CAMKMT: variants seen among roughly 807,000 people sequenced by gnomAD.
CAMKMT encodes CaM KMT.
A neutral mutation model predicts 48.0 loss-of-function variants in CAMKMT; 53 were observed. The observed-to-expected ratio is 1.10, with a 90% CI of 0.89 to 1.39. CAMKMT has a LOEUF of 1.39. Ranked by LOEUF, CAMKMT falls within the 40% of genes most tolerant of loss-of-function variation. The pLI, the probability that CAMKMT is intolerant of heterozygous loss-of-function variation, is 0.00. For missense variants in CAMKMT, 428 were observed against 402.7 expected (o/e 1.06, Z -0.54); for synonymous variants, 165 against 152.3 (o/e 1.08, Z -0.61).
intron 3 of CAMKMT, among the ~76,000 whole-genome samples, chr2:44,549,027 T>C (rs1280528106): frequency 6.6e-6 from 1 of 152,214 alleles, no homozygotes; most frequent in Non-Finnish European, 1.5e-5. Flanking sequence ...GATAAAAAAC[T>C]AATACATCTT....
intron 3 of CAMKMT, among the ~76,000 whole-genome samples, chr2:44,557,977 T>C (rs770931787): frequency 3.9e-5 from 6 of 152,206 alleles, no homozygotes; most frequent in Non-Finnish European, 8.8e-5. Flanking sequence ...ACTTACATAA[T>C]GAGTTTCACC....
At chr2:44,614,997 C>T (rs1671806407) in intron 3 of CAMKMT, among the ~76,000 whole-genome samples, 1 of 118,754 alleles carries the variant, frequency 8.4e-6, no homozygotes, top group South Asian at 3.0e-4. Context: ...GGCTAGAGTG[C>T]AGTGGTGACA....
At chr2:44,642,632 A>T (rs766657989) in intron 3 of CAMKMT, among the ~76,000 whole-genome samples, 1 of 152,112 alleles carries the variant, frequency 6.6e-6, no homozygotes, top group African/African-American at 2.4e-5. Flanking sequence ...TCTCTACACA[A>T]TTCCTCCTGC....
chr2:44,669,620 C>A (rs537817340), intron 3 of CAMKMT, among the ~76,000 whole-genome samples: 1 of 152,028 alleles, frequency 6.6e-6, no homozygotes, highest in African/African-American at 2.4e-5. Flanking sequence ...TAAGTAATGG[C>A]ATCTCATTAT....
At chr2:44,504,996 G>A (rs1444552059) in intron 3 of CAMKMT, among the ~76,000 whole-genome samples, 1 of 152,184 alleles carries the variant, frequency 6.6e-6, no homozygotes, top group African/African-American at 2.4e-5. Flanking sequence ...GAGGTCATGT[G>A]GTGAGGGGTG....
intron 3 of CAMKMT, among the ~76,000 whole-genome samples, chr2:44,524,949 A>G (rs148346187): frequency 7.8e-5 from 11 of 141,396 alleles, no homozygotes; most frequent in Non-Finnish European, 1.4e-4. Flanking sequence ...GAGCCTCTCC[A>G]TAAGTGCAAA....
chr2:44,380,378 T>G (rs891844797), intron 2 of CAMKMT, among the ~76,000 whole-genome samples: 4 of 152,204 alleles, frequency 2.6e-5, no homozygotes, highest in Non-Finnish European at 1.5e-5. Context: ...TCACATAACA[T>G]TAATTACAAG....
At chr2:44,687,387 C>T (rs958297578) in intron 3 of CAMKMT, among the ~76,000 whole-genome samples, 10 of 152,160 alleles carry the variant, frequency 6.6e-5, no homozygotes, top group African/African-American at 2.4e-4. Flanking sequence ...CTTAGTATCT[C>T]GCCCAGTGCA....
chr2:44,367,046 G>A (rs1002663090), intron 1 of CAMKMT, among the ~76,000 whole-genome samples: 5 of 152,116 alleles, frequency 3.3e-5, no homozygotes, highest in South Asian at 4.2e-4. Context: ...CTTAAAAACG[G>A]GAAACACTAT....
intron 3 of CAMKMT, among the ~76,000 whole-genome samples, chr2:44,427,320 A>C (rs904766537): frequency 2.0e-5 from 3 of 152,192 alleles, no homozygotes; most frequent in Admixed American, 2.0e-4. Flanking sequence ...CTAATTAGAC[A>C]AAAGAACTTC....
intron 3 of CAMKMT, among the ~76,000 whole-genome samples, chr2:44,513,590 G>A (rs1181639964): frequency 6.6e-6 from 1 of 152,172 alleles, no homozygotes; most frequent in Non-Finnish European, 1.5e-5. Context: ...CACAAGAAAG[G>A]AGAGCTCCTC....
chr2:44,595,956 T>C (rs1315822348), intron 3 of CAMKMT, among the ~76,000 whole-genome samples: 1 of 92,022 alleles, frequency 1.1e-5, no homozygotes, highest in African/African-American at 4.3e-5. Flanking sequence ...AACATGGGGC[T>C]GGGGGGGCAT....
At chr2:44,555,849 G>T (rs1275828081) in intron 3 of CAMKMT, among the ~76,000 whole-genome samples, 1 of 152,042 alleles carries the variant, frequency 6.6e-6, no homozygotes, top group Non-Finnish European at 1.5e-5. Context: ...AGAGCTTTTG[G>T]TTAGGATGGG....
At chr2:44,433,387 G>A (rs1684763509) in intron 3 of CAMKMT, among the ~76,000 whole-genome samples, 1 of 152,030 alleles carries the variant, frequency 6.6e-6, no homozygotes, top group Non-Finnish European at 1.5e-5. Flanking sequence ...GAGTTTGTAA[G>A]CTTTAAGTGT....
intron 3 of CAMKMT, among the ~76,000 whole-genome samples, chr2:44,578,191 G>C (rs1273698890): frequency 1.3e-5 from 2 of 152,116 alleles, no homozygotes; most frequent in East Asian, 3.9e-4. Flanking sequence ...TAGGAATAAT[G>C]GTTGAGGGTA....
chr2:44,363,794 A>T (rs182618103), intron 1 of CAMKMT, among the ~76,000 whole-genome samples: 1 of 150,402 alleles, frequency 6.6e-6, no homozygotes, highest in South Asian at 2.1e-4. Flanking sequence ...GGTTCAAGCA[A>T]TTCTCCCGTA....
chr2:44,362,199 T>C, intron 1 of CAMKMT, 54 bp downstream of exon 1: 1 of 1,364,534 alleles, frequency 7.3e-7, no homozygotes, highest in Non-Finnish European at 9.6e-7. Context: ...CTCTCTCACG[T>C]ACCGGGGGAG....
At chr2:44,483,932 G>T (rs1329294319) in intron 3 of CAMKMT, among the ~76,000 whole-genome samples, 1 of 152,110 alleles carries the variant, frequency 6.6e-6, no homozygotes, top group Non-Finnish European at 1.5e-5. Flanking sequence ...CTGAATAATT[G>T]ACTCTTTAAA....
intron 3 of CAMKMT, among the ~76,000 whole-genome samples, chr2:44,527,360 T>TA (rs1243272719): frequency 6.9e-6 from 1 of 144,104 alleles, no homozygotes; most frequent in Non-Finnish European, 1.5e-5. Flanking sequence ...ATATAATATA[T>TA]ATACGTATAT....
Sources: gnomAD v4.1 joint callset for allele counts (sites outside exome capture counted in the v4.1 genomes callset) on GRCh38, gnomAD v4.1.1 for gene constraint, MANE v1.5 for transcripts, NCBI Gene and HGNC (gene_info 2026-07-23, HGNC 2026-07-21) for gene names.